LAMA2: variants seen among roughly 807,000 people sequenced by gnomAD.
LAMA2 encodes laminin subunit alpha 2.
In LAMA2, 269 loss-of-function variants were observed where a neutral mutation model predicts 364.8. That is an observed-to-expected ratio of 0.74 (90% CI 0.67 to 0.82). LAMA2 has a LOEUF of 0.82. Ranked by LOEUF, LAMA2 falls within the 40% of genes least tolerant of loss-of-function variation. The probability of loss-of-function intolerance (pLI) is 0.00; values close to 1 mark genes in which losing one functional copy is unlikely to be tolerated. For missense variants in LAMA2, 3,807 were observed against 3,873.2 expected (o/e 0.98, Z 0.45); for synonymous variants, 1,379 against 1,370.6 (o/e 1.01, Z -0.14).
At position 129,439,404 on chromosome 6, in the gene LAMA2, G is replaced by A. The variant is rs76156333; in HGVS notation, c.6085+642G>A. ...CTTCTGTGTTTCAGCCCAAGAAATCGTGTATTAGTGAAATAGAATAAATCA... is the reference window on the plus strand; with the variant it reads ...CTTCTGTGTTTCAGCCCAAGAAATCATGTATTAGTGAAATAGAATAAATCA... On this transcript the variant is annotated intron_variant, in intron 42 of 64. Coordinates refer to ENST00000421865, the MANE Select transcript of LAMA2 (RefSeq NM_000426.4). Among the ~76,000 whole-genome samples the A allele has an allele frequency of 0.017, 2,565 of 151,994 alleles. 111 individuals are homozygous for A. The East Asian group carries it at 0.19, about 11-fold the overall frequency.
In LAMA2 at chr6:129,427,872, T is replaced by C. The variant is rs1307071825; in HGVS notation, c.5968+18T>C. On this transcript the variant is annotated intron_variant, in intron 41 of 64. Transcript: ENST00000421865. ...TGTAAAAGGTCAGTGTGGCCATAGT[T>C]TTTATTATATTCCAGTTAATCGGGT... 1 of 1,441,380 alleles carries C rather than the reference T, an allele frequency of 6.9e-7. No individual in the cohort carries two copies. 89.3% of individuals were successfully genotyped at this position (1,441,380 alleles called of 1,614,324 possible).
At chr6:129,009,240 T>C (rs967330363) in intron 1 of LAMA2, among the ~76,000 whole-genome samples, 1 of 152,174 alleles carries the variant, frequency 6.6e-6, no homozygotes, top group Admixed American at 6.6e-5. Flanking sequence ...TAGAAATAAA[T>C]AGTCTTCCCA....
At chr6:129,488,607 A>T (rs2114852990) in intron 56 of LAMA2, among the ~76,000 whole-genome samples, 1 of 152,344 alleles carries the variant, frequency 6.6e-6, no homozygotes, top group South Asian at 2.1e-4. Flanking sequence ...CATTTAGTTA[A>T]TTGGCCATAT....
intron 37 of LAMA2, among the ~76,000 whole-genome samples, chr6:129,396,173 T>C (rs1779605143): frequency 6.6e-6 from 1 of 152,228 alleles, no homozygotes; most frequent in South Asian, 2.1e-4. Flanking sequence ...GGATAATATT[T>C]ATCTACATAT....
intron 2 of LAMA2, among the ~76,000 whole-genome samples, chr6:129,051,012 T>C (rs1305276056): frequency 6.6e-6 from 1 of 151,690 alleles, no homozygotes; most frequent in Non-Finnish European, 1.5e-5. Flanking sequence ...AGAGGGGAAA[T>C]AGAGGCAAAA....
intron 40 of LAMA2, among the ~76,000 whole-genome samples, chr6:129,425,460 G>A (rs377554081): frequency 6.6e-6 from 1 of 151,646 alleles, no homozygotes. Context: ...TAGGTTCAAA[G>A]GTACATGTGC....
At chr6:129,189,619 A>G (rs377071392) in intron 10 of LAMA2, among the ~76,000 whole-genome samples, 5 of 152,120 alleles carry the variant, frequency 3.3e-5, no homozygotes, top group African/African-American at 1.2e-4. Context: ...TAAAAAGTTA[A>G]CCAGAGGAAA....
intron 19 of LAMA2, among the ~76,000 whole-genome samples, chr6:129,290,391 C>A (rs1789608457): frequency 6.6e-6 from 1 of 152,104 alleles, no homozygotes; most frequent in Non-Finnish European, 1.5e-5. Flanking sequence ...CTCAATGGCC[C>A]TTACTCTAGT....
In LAMA2 at chr6:129,143,985, C is replaced by T. The variant is rs762781837; in HGVS notation, c.724C>T (p.Arg242Cys). ...AGAATTTACCTCCGCTCGCTATATT[C>T]GCCTGAGATTTCAGAGGATCCGCAC... Reference protein sequence around the residue: ...LLEFTSARYIRLRFQRIRTLN... With the variant: ...LLEFTSARYICLRFQRIRTLN... The change falls in exon 5 of 65, where the codon CGC becomes TGC. Residue 242 changes from arginine (R) to cysteine (C), a missense_variant. This residue lies in a region of LAMA2 where 394 missense variants were observed against 403.5 expected (regional missense o/e 0.98). Transcript: ENST00000421865. 1.1e-5 allele frequency: 18 copies of T among 1,612,308 alleles called. No homozygotes were observed. Among genetic ancestry groups the T allele is most frequent in the Admixed American group, 1.7e-5 (1 of 59,802 alleles).
At position 129,293,115 on chromosome 6, in the gene LAMA2, G is replaced by A. The variant is rs191997080; in HGVS notation, c.2856+1395G>A. 228 of 983,336 alleles carry A rather than the reference G, an allele frequency of 2.3e-4. 1 individual carries two copies. The African/African-American group carries it at 3.6e-3, about 16-fold the overall frequency. The allele number at this position is 983,336 out of a possible 1,614,324, so 60.9% of individuals were successfully genotyped here. A position where few individuals can be genotyped will look rare whatever the true frequency, so the allele number is the denominator to read the frequency against. Reference sequence around the variant, plus strand: ...CTCATGCCTCTGCATGTTGTGTTCTGTGTGCTGTGGCTGAAGTTCCCTGGT... The same window carrying A: ...CTCATGCCTCTGCATGTTGTGTTCTATGTGCTGTGGCTGAAGTTCCCTGGT... On this transcript the variant is annotated intron_variant, in intron 20 of 64. Transcript: ENST00000421865.
At chr6:129,089,540 T>C (rs1774676006) in intron 3 of LAMA2, among the ~76,000 whole-genome samples, 1 of 152,244 alleles carries the variant, frequency 6.6e-6, no homozygotes, top group South Asian at 2.1e-4. Context: ...TCATGTTCCA[T>C]GAGGAACTCA....
At chr6:129,221,412 A>G (rs916096312) in intron 12 of LAMA2, among the ~76,000 whole-genome samples, 13 of 151,650 alleles carry the variant, frequency 8.6e-5, no homozygotes, top group Admixed American at 3.3e-4. Flanking sequence ...CAAAAAAAAA[A>G]AAATCAACAA....
chr6:129,069,675 A>G (rs886936425), intron 3 of LAMA2, among the ~76,000 whole-genome samples: 3 of 148,560 alleles, frequency 2.0e-5, no homozygotes, highest in Non-Finnish European at 4.5e-5. Context: ...TTTTGATTAT[A>G]TAATTGTACA....
rs1456484739 is a variant in LAMA2 at position 129,169,198 on chromosome 6, GT to G, written c.1306+3525del. Reference sequence around the variant, plus strand: ...CCCTGGCCAGAACTTCCAACACTATGTTGAATAGGAGCGGTGAGAGAGGGCA... The same window carrying G: ...CCCTGGCCAGAACTTCCAACACTATGTGAATAGGAGCGGTGAGAGAGGGCA... On this transcript the variant is annotated intron_variant, in intron 9 of 64. Transcript: ENST00000421865. 2.7e-5 allele frequency among the ~76,000 whole-genome samples: 4 copies of G among 149,784 alleles called. No individual in the cohort carries two copies. The East Asian group carries it at 7.8e-4, about 29-fold the overall frequency.
At chr6:129,131,286 A>G (rs967362068) in intron 4 of LAMA2, among the ~76,000 whole-genome samples, 6 of 152,224 alleles carry the variant, frequency 3.9e-5, no homozygotes, top group African/African-American at 1.4e-4. Flanking sequence ...AATAACTTAC[A>G]ATAATGATCA....
rs186358960 is a variant in LAMA2 at position 128,975,968 on chromosome 6, G to A, written c.113-73950G>A. 6.6e-5 allele frequency among the ~76,000 whole-genome samples: 10 copies of A among 152,336 alleles called. No homozygotes were observed. In the East Asian group the frequency reaches 1.5e-3, roughly 24 times the overall value. ...CAAGAAGCAGATCATGAAACGCTTT[G>A]TGAGCCTTGTTAGTGAGTTTCAGGG... is the stretch of plus-strand genomic sequence containing the variant. On this transcript the variant is annotated intron_variant, in intron 1 of 64. Coordinates refer to ENST00000421865, the MANE Select transcript of LAMA2 (RefSeq NM_000426.4).
intron 14 of LAMA2, among the ~76,000 whole-genome samples, chr6:129,254,933 A>T (rs967369923): frequency 1.3e-5 from 2 of 152,154 alleles, no homozygotes; most frequent in African/African-American, 2.4e-5. Context: ...GAGTTCACCA[A>T]ATTTCCAATC....
chr6:129,013,487 G>A (rs1784895831), intron 1 of LAMA2, among the ~76,000 whole-genome samples: 2 of 152,012 alleles, frequency 1.3e-5, no homozygotes, highest in Non-Finnish European at 2.9e-5. Flanking sequence ...ATAGCAAATG[G>A]CTAGACAGCT....
intron 43 of LAMA2, among the ~76,000 whole-genome samples, chr6:129,442,446 C>T (rs56344948): frequency 0.014 from 2,064 of 152,180 alleles, 53 homozygotes; most frequent in African/African-American, 0.047. Flanking sequence ...TCACAATATT[C>T]CCACTAAAAA....
Sources: allele counts gnomAD v4.1 joint callset (sites outside exome capture counted in the v4.1 genomes callset), GRCh38; gene constraint gnomAD v4.1.1; regional missense constraint gnomAD v4.1.1; transcripts MANE v1.5; gene names NCBI Gene and HGNC (gene_info 2026-07-23, HGNC 2026-07-21).